Variants in GSDMC observed in about 807,000 individuals in gnomAD.
GSDMC encodes the protein gasdermin C, also known as gasdermin-C.
A neutral mutation model predicts 58.0 loss-of-function variants in GSDMC; 59 were observed. The ratio of observed to expected loss-of-function variants is 1.02; its 90% CI spans 0.82 to 1.26. GSDMC has a LOEUF of 1.26. Ranked by LOEUF, GSDMC falls within the 50% of genes most tolerant of loss-of-function variation. The pLI is 0.00. For synonymous variants in GSDMC, 241 were observed against 220.2 expected (o/e 1.09, Z -0.83); for missense variants, 659 against 598.5 (o/e 1.10, Z -1.06).
At chr8:129,750,638 AC>A in intron 10 of GSDMC, 68 bp from the exon 11 acceptor site, 1 of 1,517,546 alleles carries the variant, frequency 6.6e-7, no homozygotes, top group Non-Finnish European at 9.0e-7. Flanking sequence ...CCTTGGAATG[AC>A]AGCCTGTTTG....
downstream of GSDMC, among the ~76,000 whole-genome samples, chr8:129,746,259 A>G (rs1399570402): frequency 1.3e-5 from 2 of 152,230 alleles, no homozygotes; most frequent in African/African-American, 2.4e-5. Flanking sequence ...AGATACAACA[A>G]CAGAAATATG....
Position 129,750,478 on chromosome 8 carries a change from G to A in GSDMC, c.1036C>T (p.Leu346=), listed in dbSNP as rs1438126506. Residue 346 remains leucine (L), a synonymous_variant, in exon 11 of 14, where the codon CTG becomes TTG. Coordinates refer to ENST00000276708, the MANE Select transcript of GSDMC (RefSeq NM_031415.3). ...GCCCCTCTGTCTCTGAGCATGGCCA[G>A]GATACTGTAGAACATGACATCCTGA... ...DVQDVMFYSI[L]AMLRDRGALQ... 2 of 1,614,008 alleles carry A rather than the reference G, an allele frequency of 1.2e-6. No individual in the cohort carries two copies. The highest frequency in any genetic ancestry group is 1.7e-6 in the Non-Finnish European group (2 of 1,179,882).
intron 3 of GSDMC, among the ~76,000 whole-genome samples, chr8:129,772,046 T>C (rs2128386): frequency 0.66 from 99,899 of 152,000 alleles, 34,847 homozygotes; most frequent in African/African-American, 0.9. Context: ...GGGCAGATCA[T>C]GAGGTCAGGA....
the GSDMC span, among the ~76,000 whole-genome samples, chr8:129,716,409 C>T: frequency 6.6e-6 from 1 of 152,188 alleles, no homozygotes; most frequent in Non-Finnish European, 1.5e-5. Flanking sequence ...CATGATTTGG[C>T]TCTCTGTTTG....
intron 1 of GSDMC, among the ~76,000 whole-genome samples, chr8:129,778,731 C>A: frequency 6.7e-6 from 1 of 150,220 alleles, no homozygotes. Flanking sequence ...GTCTAATATC[C>A]AGCATCTATA....
chr8:129,756,980 A>T (rs1296525073), intron 6 of GSDMC, among the ~76,000 whole-genome samples: 1 of 152,080 alleles, frequency 6.6e-6, no homozygotes, highest in Non-Finnish European at 1.5e-5. Flanking sequence ...AAACTACCTT[A>T]TGATGCATCT....
Position 129,748,549 on chromosome 8 carries a change from A to G in GSDMC, c.1479T>C (p.Ser493=), listed in dbSNP as rs777153525. 1 of 1,613,604 alleles carries G rather than the reference A, an allele frequency of 6.2e-7. No individual in the cohort carries two copies. The highest frequency in any genetic ancestry group is 1.1e-5 in the South Asian group (1 of 90,960). ...GCAACGAGAGAGTCCCATAGAGGGC[A>G]GACAGGGGCATCTTTGCTTCTACAT... ...TWDVEAKMPL[S]ALYGTLSLLQ... is the part of the protein sequence containing the mutation. The change falls in exon 14 of 14, where the codon TCT becomes TCC. Residue 493 remains serine (S), a synonymous_variant. Transcript: ENST00000276708.
chr8:129,765,875 A>C, intron 3 of GSDMC, 82 bp from the exon 4 acceptor site: 1 of 1,139,042 alleles, frequency 8.8e-7, no homozygotes, highest in Admixed American at 2.1e-5. Flanking sequence ...CTTCTCCCCA[A>C]GACCTGGGAG....
chr8:129,776,535 G>A (rs1218346561), intron 2 of GSDMC, among the ~76,000 whole-genome samples: 1 of 152,130 alleles, frequency 6.6e-6, no homozygotes, highest in Non-Finnish European at 1.5e-5. Flanking sequence ...GAGAAATAGT[G>A]GTGTCAAATG....
chr8:129,775,480 A>G (rs1355042390), intron 3 of GSDMC, among the ~76,000 whole-genome samples: 2 of 152,168 alleles, frequency 1.3e-5, no homozygotes, highest in Non-Finnish European at 2.9e-5. Flanking sequence ...TGTATCTGAA[A>G]TTTGCCAAGA....
the GSDMC span, among the ~76,000 whole-genome samples, chr8:129,742,587 C>T: frequency 6.6e-6 from 1 of 152,054 alleles, no homozygotes; most frequent in Admixed American, 6.6e-5. Context: ...CCTTGGCTTC[C>T]CCAGACTCTC....
the GSDMC span, among the ~76,000 whole-genome samples, chr8:129,733,190 T>C: frequency 1.3e-5 from 2 of 151,748 alleles, no homozygotes. Context: ...CCACCACAGT[T>C]CAGCAAGGTC....
intron 9 of GSDMC, 127 bp downstream of exon 9, chr8:129,751,735 T>C: frequency 8.6e-7 from 1 of 1,166,300 alleles, no homozygotes; most frequent in Non-Finnish European, 1.3e-6. Context: ...ACCCTTCCCA[T>C]TCCACATGAC....
the GSDMC span, chr8:129,723,100 A>T: frequency 6.6e-6 from 1 of 152,234 alleles, no homozygotes; most frequent in Non-Finnish European, 1.5e-5. Context: ...TTAGCCAACC[A>T]TGAGTAAAAC....
intron 4 of GSDMC, 41 bp downstream of exon 4, chr8:129,765,587 A>G: frequency 1.3e-6 from 2 of 1,502,724 alleles, no homozygotes; most frequent in Admixed American, 1.7e-5. Context: ...GACTGGCTGT[A>G]TTTTTTTGAA....
At chr8:129,761,593 T>C (rs971981534) in intron 5 of GSDMC, among the ~76,000 whole-genome samples, 1 of 152,232 alleles carries the variant, frequency 6.6e-6, no homozygotes, top group Non-Finnish European at 1.5e-5. Flanking sequence ...ATGATGATGA[T>C]ATTTTGAAAC....
At chr8:129,753,829 G>A (rs897541747) in intron 6 of GSDMC, among the ~76,000 whole-genome samples, 5 of 152,108 alleles carry the variant, frequency 3.3e-5, no homozygotes, top group African/African-American at 4.8e-5. Context: ...ATGAGCCCTT[G>A]GGCTGTCAGC....
chr8:129,728,399 G>C, the GSDMC span, among the ~76,000 whole-genome samples: 4 of 152,288 alleles, frequency 2.6e-5, no homozygotes, highest in South Asian at 4.1e-4. Context: ...TTAGAGTTCA[G>C]GTTGTCCCCG....
At chr8:129,724,840 A>G in the GSDMC span, among the ~76,000 whole-genome samples, 1 of 152,192 alleles carries the variant, frequency 6.6e-6, no homozygotes, top group East Asian at 1.9e-4. Context: ...AGGGCCTTGA[A>G]GTATTCAAAG....
Sources: gnomAD v4.1 joint callset for allele counts (sites outside exome capture counted in the v4.1 genomes callset) on GRCh38, gnomAD v4.1.1 for gene constraint, MANE v1.5 for transcripts, NCBI Gene and HGNC (gene_info 2026-07-23, HGNC 2026-07-21) for gene names.